Variants in ZNF468 observed in about 807,000 individuals in gnomAD.
The protein encoded by ZNF468 is zinc finger protein 468, also known as zinc finger protein ZNF468.
In ZNF468, 8 loss-of-function variants were observed where a neutral mutation model predicts 7.2. The observed-to-expected ratio is 1.11, with a 90% CI of 0.65 to 2.01. The LOEUF (loss-of-function observed/expected upper bound fraction) is 2.01. Ranked by LOEUF, ZNF468 falls within the 30% of genes most tolerant of loss-of-function variation. The pLI is 0.00. For missense variants in ZNF468, 608 were observed against 626.5 expected (o/e 0.97, Z 0.31); for synonymous variants, 218 against 214.4 (o/e 1.02, Z -0.15).
chr19:52,852,624 C>G (rs2063399464), intron 2 of ZNF468, among the ~76,000 whole-genome samples: 1 of 151,102 alleles, frequency 6.6e-6, no homozygotes, highest in South Asian at 2.1e-4. Context: ...TGCAGTGAGC[C>G]GAGATCACAC....
In ZNF468 at chr19:52,841,983, T is replaced by C; in HGVS notation, c.311A>G (p.Asp104Gly). ...IHGFEFQWKE[D>G]ETNGHAAPMT... is the part of the protein sequence containing the mutation. ...GGGTGCTGCATGGCCATTTGTTTCA[T>C]CTTCTTTCCACTGAAACTCGAAGCC... is the stretch of plus-strand genomic sequence containing the variant. Residue 104 changes from aspartate (D) to glycine (G), a missense_variant, in exon 4 of 4, where the codon GAT (aspartate) becomes GGT (glycine). Asp to Gly is a moderately conservative substitution (Grantham distance 94). Coordinates refer to ENST00000595646, the MANE Select transcript of ZNF468 (RefSeq NM_001008801.2). 1 of 1,613,972 alleles carries C rather than the reference T, an allele frequency of 6.2e-7. No homozygotes were observed. Among genetic ancestry groups the C allele is most frequent in the South Asian group, 1.1e-5 (1 of 91,060 alleles).
In ZNF468 at chr19:52,840,996, T is replaced by A. The variant is rs765541803; in HGVS notation, c.1298A>T (p.His433Leu). Reference protein sequence around the residue: ...KSNLERHRRIHTGEKPYKCKV... With the variant: ...KSNLERHRRILTGEKPYKCKV... ...ACATTTGTATGGTTTCTCTCCAGTATGAATCCTCCTGTGTCTTTCCAGGTT... is the reference window on the plus strand; with the variant it reads ...ACATTTGTATGGTTTCTCTCCAGTAAGAATCCTCCTGTGTCTTTCCAGGTT... The change falls in exon 4 of 4, where the codon CAT (histidine) becomes CTT (leucine). Residue 433 changes from histidine to leucine, a missense_variant. His to Leu is a moderately conservative substitution (Grantham distance 99). Coordinates refer to ENST00000595646, the MANE Select transcript of ZNF468 (RefSeq NM_001008801.2). The A allele has an allele frequency of 1.2e-6, 2 of 1,614,046 alleles. No individual in the cohort carries two copies. The highest frequency in any genetic ancestry group is 1.7e-6 in the Non-Finnish European group (2 of 1,179,956).
intron 3 of ZNF468, among the ~76,000 whole-genome samples, chr19:52,844,330 T>C (rs1449017993): frequency 6.6e-6 from 1 of 152,100 alleles, no homozygotes; most frequent in Non-Finnish European, 1.5e-5. Context: ...AGCAGGAAGA[T>C]GGCTGGGCTA....
At chr19:52,842,321 T>C (rs910010860) in intron 3 of ZNF468, among the ~76,000 whole-genome samples, 170 bp from the exon 4 acceptor site, 1 of 152,146 alleles carries the variant, frequency 6.6e-6, no homozygotes, top group African/African-American at 2.4e-5. Context: ...TAAAGGGCGA[T>C]TACATGTGCT....
chr19:52,854,151 G>T (rs771028012), intron 2 of ZNF468, 107 bp downstream of exon 2: 12 of 1,601,254 alleles, frequency 7.5e-6, no homozygotes, highest in Non-Finnish European at 1.0e-5. Context: ...AAGTGAGGGT[G>T]AGCAAACATG....
intron 3 of ZNF468, chr19:52,846,477 G>A (rs1200390797): frequency 6.6e-6 from 1 of 152,234 alleles, no homozygotes; most frequent in Non-Finnish European, 1.5e-5. Flanking sequence ...TAGGATTACA[G>A]GTGTCAGCCA....
intron 2 of ZNF468, among the ~76,000 whole-genome samples, chr19:52,850,567 T>C (rs1230474021): frequency 6.6e-6 from 1 of 151,334 alleles, no homozygotes; most frequent in Non-Finnish European, 1.5e-5. Context: ...TGCAGTCTAC[T>C]TGAGGGTGGA....
At chr19:52,847,574 G>A (rs532191540) in intron 3 of ZNF468, among the ~76,000 whole-genome samples, 23 of 152,180 alleles carry the variant, frequency 1.5e-4, no homozygotes, top group African/African-American at 4.8e-4. Context: ...GGAATGTCTC[G>A]GTGTAAAGCC....
At chr19:52,848,975 A>G (rs1947869557) in intron 3 of ZNF468, 112 bp downstream of exon 3, 2 of 1,510,580 alleles carry the variant, frequency 1.3e-6, no homozygotes, top group African/African-American at 2.8e-5. Flanking sequence ...TTTTCATTTC[A>G]AAATCAATAT....
intron 2 of ZNF468, among the ~76,000 whole-genome samples, chr19:52,852,456 A>G (rs1007567656): frequency 3.3e-5 from 5 of 152,094 alleles, no homozygotes; most frequent in Admixed American, 6.6e-5. Flanking sequence ...CAGGTGGATC[A>G]CGAGGTCAGG....
At chr19:52,843,073 A>T (rs2063318295) in intron 3 of ZNF468, among the ~76,000 whole-genome samples, 1 of 138,306 alleles carries the variant, frequency 7.2e-6, no homozygotes, top group Non-Finnish European at 1.5e-5. Context: ...GTGAGTTGAG[A>T]TTGTGTCACT....
chr19:52,855,307 G>A (rs1256556349), intron 1 of ZNF468, among the ~76,000 whole-genome samples: 2 of 152,244 alleles, frequency 1.3e-5, no homozygotes, highest in East Asian at 3.9e-4. Context: ...ACAGCTCTGA[G>A]CCTAGACCTG....
chr19:52,854,750 C>T (rs1186625612), intron 1 of ZNF468, among the ~76,000 whole-genome samples: 1 of 151,890 alleles, frequency 6.6e-6, no homozygotes, highest in Non-Finnish European at 1.5e-5. Context: ...TTGGGCCGGG[C>T]ACATTGGCTC....
At chr19:52,854,532 C>T (rs1300907911) in intron 1 of ZNF468, among the ~76,000 whole-genome samples, 187 bp from the exon 2 acceptor site, 1 of 152,112 alleles carries the variant, frequency 6.6e-6, no homozygotes, top group Non-Finnish European at 1.5e-5. Context: ...ACACACGCTG[C>T]AGCAGTGGGG....
In ZNF468 at chr19:52,839,542, T is replaced by C. The variant is rs185135353; in HGVS notation, c.*1183A>G. Reference sequence around the variant, plus strand: ...CTATACTCACTGCATTTGAAACAACTGTCTCCAAAAGGAATTGTCTGATGG... The same window carrying C: ...CTATACTCACTGCATTTGAAACAACCGTCTCCAAAAGGAATTGTCTGATGG... On this transcript the variant is annotated 3_prime_UTR_variant, in exon 4 of 4. Coordinates refer to ENST00000595646, the MANE Select transcript of ZNF468 (RefSeq NM_001008801.2). The C allele has an allele frequency of 7.8e-4, 391 of 500,612 alleles. 6 individuals carry two copies. The highest frequency in any genetic ancestry group is 4.9e-3 in the South Asian group (314 of 64,072). The allele number at this position is 500,612 out of a possible 1,614,324, so 31.0% of individuals were successfully genotyped here.
At chr19:52,849,677 T>G (rs1713093290) in intron 2 of ZNF468, 1 of 179,468 alleles carries the variant, frequency 5.6e-6, no homozygotes. Context: ...AAGGCACAGG[T>G]TGCAGTGATC....
Position 52,841,041 on chromosome 19 carries a change from T to C in ZNF468, c.1253A>G (p.Lys418Arg), listed in dbSNP as rs568230885. 3.7e-6 allele frequency: 6 copies of C among 1,613,064 alleles called. No homozygotes were observed. Among genetic ancestry groups the C allele is most frequent in the Non-Finnish European group, 5.1e-6 (6 of 1,179,320 alleles). The change falls in exon 4 of 4, where the codon AAA becomes AGA. Residue 418 changes from lysine (K) to arginine (R), a missense_variant. Transcript: ENST00000595646. ...CAGGTTTGATTTGCGACTGAAAACT[T>C]TGCAACATTCTTCACATTTGTAAGG... ...EKPYKCEECCKVFSRKSNLER... is the reference protein window; with the variant it reads ...EKPYKCEECCRVFSRKSNLER...
intron 2 of ZNF468, chr19:52,854,055 G>A: frequency 4.0e-6 from 6 of 1,498,840 alleles, no homozygotes; most frequent in South Asian, 1.3e-5. Flanking sequence ...CCCAGGACCT[G>A]CCCAGTGCAG....
At chr19:52,842,841 A>AAAAAAAAGG (rs2063315919) in intron 3 of ZNF468, among the ~76,000 whole-genome samples, 3 of 136,246 alleles carry the variant, frequency 2.2e-5, no homozygotes, top group Admixed American at 7.8e-5. Flanking sequence ...AAAAAAAAAA[A>AAAAAAAAGG]GACATGGCAT....
Sources: gnomAD v4.1 joint callset for allele counts (sites outside exome capture counted in the v4.1 genomes callset) on GRCh38, gnomAD v4.1.1 for gene constraint, MANE v1.5 for transcripts, NCBI Gene and HGNC (gene_info 2026-07-23, HGNC 2026-07-21) for gene names.